The following NELL2 variants were observed in gnomAD, a reference collection of about 807,000 sequenced individuals.
The protein encoded by NELL2 is protein kinase C-binding protein NELL2.
A neutral mutation model predicts 109.6 loss-of-function variants in NELL2; 41 were observed. That is an observed-to-expected ratio of 0.37 (90% CI 0.29 to 0.49). NELL2 has a LOEUF of 0.49. NELL2 is among the 20% of genes least tolerant of loss of function. The pLI is 0.98. For missense variants in NELL2, 900 were observed against 1,008.3 expected (o/e 0.89, Z 1.45); for synonymous variants, 355 against 344.7 (o/e 1.03, Z -0.33).
chr12:44,757,831 T>C (rs67079540), intron 9 of NELL2, among the ~76,000 whole-genome samples: 32,023 of 152,074 alleles, frequency 0.21, 3,607 homozygotes, highest in Non-Finnish European at 0.25. Context: ...CTTTGATGTG[T>C]ATCCTCAAAG....
chr12:44,859,341 A>G (rs1944771391), intron 2 of NELL2, among the ~76,000 whole-genome samples: 2 of 152,210 alleles, frequency 1.3e-5, no homozygotes, highest in Admixed American at 6.5e-5. Flanking sequence ...CAGGAGCTCA[A>G]GACCAGCCTA....
intron 13 of NELL2, among the ~76,000 whole-genome samples, chr12:44,623,065 G>A (rs1234595456): frequency 2.0e-5 from 3 of 152,038 alleles, no homozygotes; most frequent in African/African-American, 4.8e-5. Context: ...ATTTGCAGTG[G>A]TGTGTTTATT....
chr12:44,786,096 A>G (rs1177431683), intron 3 of NELL2, among the ~76,000 whole-genome samples: 3 of 152,164 alleles, frequency 2.0e-5, no homozygotes, highest in African/African-American at 7.2e-5. Context: ...TAGGCAACCT[A>G]CAGAATGGGA....
chr12:44,838,524 T>C (rs1267801095), intron 2 of NELL2, among the ~76,000 whole-genome samples: 1 of 152,174 alleles, frequency 6.6e-6, no homozygotes, highest in Non-Finnish European at 1.5e-5. Flanking sequence ...GGTTCCCATC[T>C]GTAAAATGGG....
intron 1 of NELL2, among the ~76,000 whole-genome samples, chr12:44,910,185 C>T: frequency 6.6e-6 from 1 of 151,916 alleles, no homozygotes; most frequent in East Asian, 1.9e-4. Flanking sequence ...ACAGAGTAAA[C>T]AACCTATAGA....
chr12:44,554,143 A>G (rs931783616), intron 15 of NELL2, among the ~76,000 whole-genome samples: 1 of 152,168 alleles, frequency 6.6e-6, no homozygotes, highest in African/African-American at 2.4e-5. Flanking sequence ...CTATAAAATA[A>G]TGTAGCCTTC....
intron 16 of NELL2, among the ~76,000 whole-genome samples, chr12:44,524,245 C>A (rs958745084): frequency 6.6e-6 from 1 of 152,214 alleles, no homozygotes; most frequent in Non-Finnish European, 1.5e-5. Context: ...AAAGCGTTTT[C>A]ATACAGATGA....
chr12:44,855,058 A>G (rs1944644313), intron 2 of NELL2, among the ~76,000 whole-genome samples: 1 of 152,214 alleles, frequency 6.6e-6, no homozygotes, highest in Non-Finnish European at 1.5e-5. Flanking sequence ...CATATAACCA[A>G]CATAAAAATA....
At chr12:44,870,417 C>T (rs755540175) in intron 2 of NELL2, among the ~76,000 whole-genome samples, 22 of 152,152 alleles carry the variant, frequency 1.4e-4, no homozygotes, top group Admixed American at 3.3e-4. Flanking sequence ...CACCACACTT[C>T]CATGCAGGAA....
At chr12:44,794,645 C>T (rs978960437) in intron 3 of NELL2, among the ~76,000 whole-genome samples, 3 of 152,176 alleles carry the variant, frequency 2.0e-5, no homozygotes, top group East Asian at 1.9e-4. Context: ...CCATCTGCAA[C>T]CTCCCCAGAT....
chr12:44,862,672 A>T (rs1944876506), intron 2 of NELL2, among the ~76,000 whole-genome samples: 1 of 152,202 alleles, frequency 6.6e-6, no homozygotes, highest in Non-Finnish European at 1.5e-5. Flanking sequence ...CAGAAAAGGG[A>T]TTAATGGAAA....
At chr12:44,751,237 T>G (rs562542905) in intron 9 of NELL2, among the ~76,000 whole-genome samples, 2 of 152,252 alleles carry the variant, frequency 1.3e-5, no homozygotes, top group South Asian at 4.1e-4. Context: ...AAATGTTGTT[T>G]TGGTTTTGGA....
intron 19 of NELL2, among the ~76,000 whole-genome samples, chr12:44,513,788 C>T (rs868246228): frequency 6.6e-6 from 1 of 151,630 alleles, no homozygotes; most frequent in South Asian, 2.1e-4. Context: ...GATAATTAAA[C>T]CATCTAAGCG....
At chr12:44,620,027 A>C (rs1046284843) in intron 13 of NELL2, among the ~76,000 whole-genome samples, 3 of 152,152 alleles carry the variant, frequency 2.0e-5, no homozygotes, top group Admixed American at 2.0e-4. Flanking sequence ...TTAGGTTCTT[A>C]ACCTAGGCAA....
chr12:44,578,032 G>T (rs1271719852), intron 15 of NELL2, among the ~76,000 whole-genome samples: 1 of 152,010 alleles, frequency 6.6e-6, no homozygotes, highest in Non-Finnish European at 1.5e-5. Flanking sequence ...GTAAGAGCTG[G>T]CCCGTACTTA....
intron 2 of NELL2, among the ~76,000 whole-genome samples, chr12:44,873,537 C>T (rs1302165345): frequency 6.6e-6 from 1 of 152,038 alleles, no homozygotes; most frequent in Non-Finnish European, 1.5e-5. Context: ...ATCAGACACT[C>T]TTCAGAGGAA....
At chr12:44,787,819 C>T (rs905629109) in intron 3 of NELL2, among the ~76,000 whole-genome samples, 51 of 151,914 alleles carry the variant, frequency 3.4e-4, no homozygotes, top group African/African-American at 1.2e-3. Flanking sequence ...CAACATGGAT[C>T]ACAAACTTAA....
intron 1 of NELL2, among the ~76,000 whole-genome samples, chr12:44,909,437 T>C (rs1329038183): frequency 2.6e-5 from 4 of 150,970 alleles, no homozygotes. Flanking sequence ...AAACCACAGA[T>C]GACACAAACA....
intron 1 of NELL2, among the ~76,000 whole-genome samples, chr12:44,896,576 T>C (rs1267450025): frequency 3.9e-5 from 6 of 152,220 alleles, no homozygotes; most frequent in Admixed American, 3.3e-4. Context: ...AAGCTATACA[T>C]GTATACATAT....
Sources: allele counts gnomAD v4.1 joint callset (sites outside exome capture counted in the v4.1 genomes callset), GRCh38; gene constraint gnomAD v4.1.1; transcripts MANE v1.5; gene names NCBI Gene and HGNC (gene_info 2026-07-23, HGNC 2026-07-21).